The following PCTP variants were observed in gnomAD, a reference collection of about 807,000 sequenced individuals.
The protein encoded by PCTP is phosphatidylcholine transfer protein.
Under a neutral mutation model 31.0 loss-of-function variants are expected in PCTP, and 27 were observed. That is an observed-to-expected ratio of 0.87 (90% CI 0.64 to 1.20). PCTP has a LOEUF of 1.20. PCTP is among the 50% of genes most tolerant of loss of function. PCTP has a pLI of 0.00. For missense variants in PCTP, 287 were observed against 268.2 expected (o/e 1.07, Z -0.49); for synonymous variants, 108 against 101.2 (o/e 1.07, Z -0.40).
At chr17:55,780,070 T>A (rs1316388163), downstream of PCTP, among the ~76,000 whole-genome samples, 2 of 149,172 alleles carry the variant, frequency 1.3e-5, no homozygotes, top group African/African-American at 5.0e-5. Context: ...TTTATATTCA[T>A]CCTTAACTGC....
At chr17:55,817,052 G>T (rs1336741350) in intron 3 of PCTP, among the ~76,000 whole-genome samples, 1 of 152,164 alleles carries the variant, frequency 6.6e-6, no homozygotes, top group Non-Finnish European at 1.5e-5. Context: ...ATCACAGTAT[G>T]GTCTGTTAGA....
At chr17:55,849,395 G>A in the PCTP span, among the ~76,000 whole-genome samples, 26 of 152,264 alleles carry the variant, frequency 1.7e-4, no homozygotes, top group African/African-American at 6.3e-4. Flanking sequence ...GGCTGAAGTG[G>A]GTAGATCACC....
At chr17:55,824,304 G>A (rs893864920), downstream of PCTP, among the ~76,000 whole-genome samples, 1 of 151,772 alleles carries the variant, frequency 6.6e-6, no homozygotes, top group Non-Finnish European at 1.5e-5. Flanking sequence ...AAGTGTAGGT[G>A]CCACTAACTA....
At chr17:55,814,812 C>T (rs1259617618) in intron 3 of PCTP, among the ~76,000 whole-genome samples, 2 of 152,194 alleles carry the variant, frequency 1.3e-5, no homozygotes. Context: ...CAAAGTACTC[C>T]TGTGTGGAAC....
At chr17:55,813,626 A>G (rs1318798049) in intron 3 of PCTP, among the ~76,000 whole-genome samples, 4 of 152,150 alleles carry the variant, frequency 2.6e-5, no homozygotes, top group African/African-American at 7.2e-5. Flanking sequence ...GAAGTTTAAT[A>G]AAGAAAATAT....
intron 1 of PCTP, among the ~76,000 whole-genome samples, chr17:55,764,980 A>G (rs1366464730): frequency 6.6e-6 from 1 of 152,178 alleles, no homozygotes; most frequent in Non-Finnish European, 1.5e-5. Context: ...AGAGAGTGAA[A>G]TGTGTGATGG....
At chr17:55,775,689 G>A in intron 5 of PCTP, 2 of 1,209,910 alleles carry the variant, frequency 1.7e-6, no homozygotes, top group Non-Finnish European at 2.1e-6. Context: ...ATTCAGTAAA[G>A]CAAGTGCTTT....
chr17:55,787,027 A>ATG (rs145447335), intron 2 of PCTP, among the ~76,000 whole-genome samples: 9,237 of 147,440 alleles, frequency 0.063, 830 homozygotes, highest in African/African-American at 0.2. Flanking sequence ...ATGTGTGAGC[A>ATG]TGTGTGTGTG....
intron 3 of PCTP, among the ~76,000 whole-genome samples, chr17:55,819,798 G>A (rs1913054242): frequency 1.3e-5 from 2 of 152,178 alleles, no homozygotes; most frequent in Admixed American, 6.5e-5. Flanking sequence ...TCAAGATGGT[G>A]TTGTACTGGC....
At chr17:55,785,951 T>G (rs1227364117) in intron 2 of PCTP, among the ~76,000 whole-genome samples, 2 of 152,248 alleles carry the variant, frequency 1.3e-5, no homozygotes, top group Non-Finnish European at 2.9e-5. Context: ...TCTTTGATAA[T>G]GCACCTTTCT....
intron 3 of PCTP, among the ~76,000 whole-genome samples, chr17:55,803,136 G>A (rs1455801607): frequency 6.6e-6 from 1 of 151,994 alleles, no homozygotes; most frequent in East Asian, 1.9e-4. Context: ...AAAATACTGA[G>A]GAATACAACT....
chr17:55,804,727 A>C (rs1912522327), intron 3 of PCTP, among the ~76,000 whole-genome samples: 1 of 152,074 alleles, frequency 6.6e-6, no homozygotes, highest in Admixed American at 6.6e-5. Context: ...GTGGGGGACT[A>C]GGGGAGGGAT....
At chr17:55,759,419 T>C (rs922053566) in intron 1 of PCTP, among the ~76,000 whole-genome samples, 4 of 152,198 alleles carry the variant, frequency 2.6e-5, no homozygotes. Context: ...TTTAGCCAAC[T>C]ATCTGTCTTT....
chr17:55,828,797 G>T (rs1000483052), intron 5 of PCTP, among the ~76,000 whole-genome samples: 3 of 152,178 alleles, frequency 2.0e-5, no homozygotes, highest in African/African-American at 7.2e-5. Context: ...GCAGTGGCGG[G>T]CCTACTGAAA....
At chr17:55,774,689 G>A (rs1211431058) in intron 4 of PCTP, 103 bp from the exon 5 acceptor site, 4 of 978,026 alleles carry the variant, frequency 4.1e-6, no homozygotes, top group East Asian at 4.9e-5. Context: ...TCCCTCTGCA[G>A]TTTCTGAGCT....
intron 3 of PCTP, among the ~76,000 whole-genome samples, chr17:55,792,261 C>G (rs1187636056): frequency 1.3e-5 from 2 of 149,082 alleles, no homozygotes; most frequent in African/African-American, 2.5e-5. Flanking sequence ...ACATATGTAA[C>G]TAACCTGCAC....
chr17:55,829,212 G>GA (rs72543089), intron 5 of PCTP, among the ~76,000 whole-genome samples: 26,932 of 139,200 alleles, frequency 0.19, 2,525 homozygotes, highest in East Asian at 0.38. Context: ...GCCAATATGT[G>GA]AAAAAAAAAA....
the PCTP span, among the ~76,000 whole-genome samples, chr17:55,848,701 G>A: frequency 1.3e-5 from 2 of 152,108 alleles, no homozygotes; most frequent in Non-Finnish European, 1.5e-5. Flanking sequence ...GGTGATAACT[G>A]TGGCCCAACC....
At chr17:55,790,637 G>C (rs994022330) in intron 3 of PCTP, among the ~76,000 whole-genome samples, 1 of 151,528 alleles carries the variant, frequency 6.6e-6, no homozygotes, top group Non-Finnish European at 1.5e-5. Context: ...ACAAACCACT[G>C]CTCGAGGAAA....
Sources: allele counts gnomAD v4.1 joint callset (sites outside exome capture counted in the v4.1 genomes callset), GRCh38; gene constraint gnomAD v4.1.1; transcripts MANE v1.5; gene names NCBI Gene and HGNC (gene_info 2026-07-23, HGNC 2026-07-21).